Variants in MGAT5 observed in about 807,000 individuals in gnomAD.
MGAT5 encodes the protein alpha-1,6-mannosylglycoprotein 6-beta-N-acetylglucosaminyltransferase A.
Under a neutral mutation model 94.3 loss-of-function variants are expected in MGAT5, and 30 were observed. That is an observed-to-expected ratio of 0.32 (90% CI 0.24 to 0.43). The LOEUF (loss-of-function observed/expected upper bound fraction) is 0.43. Among genes scored for constraint, MGAT5 ranks in the 20% least tolerant of loss-of-function variants. The pLI is 1.00. For missense variants in MGAT5, 691 were observed against 905.5 expected (o/e 0.76, Z 3.04); for synonymous variants, 310 against 322.9 (o/e 0.96, Z 0.43).
intron 1 of MGAT5, among the ~76,000 whole-genome samples, chr2:134,208,607 A>T (rs1371714280): frequency 6.6e-6 from 1 of 152,224 alleles, no homozygotes; most frequent in Non-Finnish European, 1.5e-5. Context: ...TATAGTTGTT[A>T]TAATATAAAT....
At chr2:134,410,713 A>G (rs1228894858) in intron 11 of MGAT5, among the ~76,000 whole-genome samples, 4 of 152,228 alleles carry the variant, frequency 2.6e-5, no homozygotes, top group Admixed American at 6.5e-5. Context: ...TTCTATTTAA[A>G]TAGACAAACA....
intron 1 of MGAT5, among the ~76,000 whole-genome samples, chr2:134,131,748 C>G (rs1261089836): frequency 2.0e-5 from 3 of 151,714 alleles, no homozygotes; most frequent in Non-Finnish European, 4.4e-5. Context: ...CTTGCTTTGG[C>G]CAGTGGGATG....
intron 4 of MGAT5, among the ~76,000 whole-genome samples, chr2:134,324,302 C>T (rs1310469502): frequency 2.0e-5 from 3 of 152,120 alleles, no homozygotes; most frequent in Non-Finnish European, 4.4e-5. Context: ...CCAATTTGGA[C>T]TAGATGCATG....
intron 1 of MGAT5, among the ~76,000 whole-genome samples, chr2:134,171,463 C>T (rs1172228707): frequency 1.3e-5 from 2 of 152,158 alleles, no homozygotes; most frequent in Non-Finnish European, 2.9e-5. Context: ...CTGTCTTTGC[C>T]AAGTGTCACC....
intron 5 of MGAT5, among the ~76,000 whole-genome samples, chr2:134,337,481 G>C (rs1396631264): frequency 6.6e-6 from 1 of 152,052 alleles, no homozygotes; most frequent in Admixed American, 6.6e-5. Context: ...ATCTCAAAGG[G>C]GGATAAAGAA....
intron 6 of MGAT5, among the ~76,000 whole-genome samples, chr2:134,340,899 T>G (rs762485564): frequency 6.6e-6 from 1 of 152,132 alleles, no homozygotes; most frequent in Non-Finnish European, 1.5e-5. Context: ...ATCACACAGG[T>G]GCATTTAGAA....
At chr2:134,172,912 A>G (rs959242170) in intron 1 of MGAT5, among the ~76,000 whole-genome samples, 1 of 152,212 alleles carries the variant, frequency 6.6e-6, no homozygotes, top group Non-Finnish European at 1.5e-5. Flanking sequence ...CTTTGAACAC[A>G]CTTTGTCTCT....
chr2:134,338,109 TA>T, intron 5 of MGAT5, 149 bp from the exon 6 acceptor site: 1 of 632,798 alleles, frequency 1.6e-6, no homozygotes, highest in Non-Finnish European at 2.6e-6. Context: ...CCTGGGACCT[TA>T]AAGTCAAAGC....
At chr2:134,224,728 A>T (rs1680967316) in intron 1 of MGAT5, among the ~76,000 whole-genome samples, 1 of 152,074 alleles carries the variant, frequency 6.6e-6, no homozygotes, top group Non-Finnish European at 1.5e-5. Context: ...GTTGATTGCT[A>T]ATAGACCGTT....
chr2:134,169,437 CACATAT>C (rs1368278153), intron 1 of MGAT5, among the ~76,000 whole-genome samples: 266 of 150,762 alleles, frequency 1.8e-3, no homozygotes, highest in African/African-American at 5.9e-3. Context: ...CACACACACA[CACATAT>C]ATAAAAGATT....
At chr2:134,307,312 A>G (rs1686384924) in intron 2 of MGAT5, among the ~76,000 whole-genome samples, 1 of 152,228 alleles carries the variant, frequency 6.6e-6, no homozygotes, top group South Asian at 2.1e-4. Flanking sequence ...GCCATTTACA[A>G]TGTTAGATAT....
intron 1 of MGAT5, among the ~76,000 whole-genome samples, chr2:134,265,968 G>A (rs1412587065): frequency 1.3e-5 from 2 of 151,878 alleles, no homozygotes; most frequent in African/African-American, 4.8e-5. Context: ...AGGAGTTTGA[G>A]ACCAGCCTGA....
At position 134,148,631 on chromosome 2, in the gene MGAT5, C is replaced by G. The variant is rs145100429; in HGVS notation, c.-143+28340C>G. 5.9e-5 allele frequency among the ~76,000 whole-genome samples: 9 copies of G among 152,306 alleles called. 1 individual carries two copies. The highest frequency in any genetic ancestry group is 5.9e-4 in the Admixed American group (9 of 15,306). On this transcript the variant is annotated intron_variant, in intron 1 of 16. Coordinates refer to the MGAT5 transcript ENST00000409645. ...TCATTGTAGACATCACACATCCATA[C>G]ATTATCCACGATGAGATTATACTAT... is the stretch of plus-strand genomic sequence containing the variant.
At chr2:134,316,423 T>C (rs960955908) in intron 2 of MGAT5, among the ~76,000 whole-genome samples, 1 of 152,182 alleles carries the variant, frequency 6.6e-6, no homozygotes, top group Non-Finnish European at 1.5e-5. Flanking sequence ...TGTCACTGGA[T>C]GCAGGAGGCC....
chr2:134,419,126 A>C (rs1005114338), intron 12 of MGAT5, among the ~76,000 whole-genome samples: 1 of 152,226 alleles, frequency 6.6e-6, no homozygotes, highest in Non-Finnish European at 1.5e-5. Context: ...CTTTCATATT[A>C]AGTAATAATT....
intron 12 of MGAT5, among the ~76,000 whole-genome samples, chr2:134,419,919 T>C (rs1217195176): frequency 6.6e-6 from 1 of 152,184 alleles, no homozygotes; most frequent in Non-Finnish European, 1.5e-5. Flanking sequence ...TAATCAGTTC[T>C]CCAGGCCACA....
chr2:134,156,402 C>T (rs1471333481), intron 1 of MGAT5, among the ~76,000 whole-genome samples: 2 of 152,118 alleles, frequency 1.3e-5, no homozygotes, highest in African/African-American at 4.8e-5. Flanking sequence ...TGTCATTCTT[C>T]TTAGGTCTGT....
intron 9 of MGAT5, among the ~76,000 whole-genome samples, chr2:134,358,189 C>CTT (rs11385683): frequency 0.061 from 8,807 of 144,596 alleles, 759 homozygotes; most frequent in African/African-American, 0.19. Context: ...ATCACTCCAC[C>CTT]TTTTTTTTTT....
chr2:134,217,888 C>T (rs1273615553), intron 1 of MGAT5, among the ~76,000 whole-genome samples: 1 of 152,124 alleles, frequency 6.6e-6, no homozygotes, highest in African/African-American at 2.4e-5. Flanking sequence ...TATGCCTTGC[C>T]CTTTCCTTAA....
Sources: allele counts gnomAD v4.1 joint callset (sites outside exome capture counted in the v4.1 genomes callset), GRCh38; gene constraint gnomAD v4.1.1; transcripts MANE v1.5; gene names NCBI Gene and HGNC (gene_info 2026-07-23, HGNC 2026-07-21).